RERE: variants seen among roughly 807,000 people sequenced by gnomAD.
The protein encoded by RERE is arginine-glutamic acid dipeptide repeats.
RERE carries 40 observed loss-of-function variants against 146.1 expected under a neutral mutation model. The observed-to-expected ratio is 0.27, with a 90% CI of 0.21 to 0.36. RERE has a LOEUF of 0.36. Among genes scored for constraint, RERE ranks in the 10% least tolerant of loss-of-function variants. The probability of loss-of-function intolerance (pLI) is 1.00; values close to 1 mark genes in which losing one functional copy is unlikely to be tolerated. For missense variants in RERE, 1,933 were observed against 2,138.7 expected (o/e 0.90, Z 1.90); for synonymous variants, 1,003 against 866.0 (o/e 1.16, Z -2.78).
chr1:8,403,135 G>C (rs1240190977), intron 12 of RERE, among the ~76,000 whole-genome samples: 1 of 152,044 alleles, frequency 6.6e-6, no homozygotes, highest in African/African-American at 2.4e-5. Context: ...CTGACCCCGT[G>C]ATCTGCCCAT....
chr1:8,453,097 A>G (rs912022911), intron 11 of RERE, among the ~76,000 whole-genome samples: 3 of 152,194 alleles, frequency 2.0e-5, no homozygotes, highest in African/African-American at 7.2e-5. Flanking sequence ...GAGGAAGGGA[A>G]TGTGAGCTGA....
At chr1:8,812,839 T>G (rs1641838842) in intron 1 of RERE, among the ~76,000 whole-genome samples, 1 of 152,168 alleles carries the variant, frequency 6.6e-6, no homozygotes, top group South Asian at 2.1e-4. Flanking sequence ...TAAATATATT[T>G]AGTATTTGAA....
At chr1:8,643,494 C>T (rs1371796976) in intron 2 of RERE, among the ~76,000 whole-genome samples, 2 of 152,140 alleles carry the variant, frequency 1.3e-5, no homozygotes, top group African/African-American at 4.8e-5. Context: ...AAAGGACTTA[C>T]GTAAAATACA....
intron 12 of RERE, among the ~76,000 whole-genome samples, chr1:8,397,730 T>C (rs768413737): frequency 6.6e-6 from 1 of 152,174 alleles, no homozygotes; most frequent in Non-Finnish European, 1.5e-5. Context: ...CTCCCCCATA[T>C]GCAGTAAGTT....
In RERE at chr1:8,607,534, C is replaced by CTTTTTTTTTTTTTTTTTTTTTTTTTTT. The variant is rs1167501074; in HGVS notation, c.522+7000_522+7026dup. Among the ~76,000 whole-genome samples, 14 of 48,584 alleles carry CTTTTTTTTTTTTTTTTTTTTTTTTTTT rather than the reference C, an allele frequency of 2.9e-4. 3 individuals carry two copies. The highest frequency in any genetic ancestry group is 6.0e-4 in the African/African-American group (7 of 11,664). The allele number at this position is 48,584 out of a possible 152,430, so 31.9% of individuals were successfully genotyped here. ...CGCATATTTGTTTTTATATATATTT[C>CTTTTTTTTTTTTTTTTTTTTTTTTTTT]TTTTTTTTTTTTTTTTTTTTTTTTT... On this transcript the variant is annotated intron_variant, in intron 4 of 22. Coordinates refer to ENST00000400908, the MANE Select transcript of RERE (RefSeq NM_001042681.2).
At chr1:8,480,917 A>T (rs1557651322) in intron 10 of RERE, among the ~76,000 whole-genome samples, 1 of 152,340 alleles carries the variant, frequency 6.6e-6, no homozygotes, top group African/African-American at 2.4e-5. Context: ...AACATGGAAA[A>T]AAATCATCTG....
intron 1 of RERE, among the ~76,000 whole-genome samples, chr1:8,657,576 G>A (rs766830087): frequency 6.6e-6 from 1 of 152,164 alleles, no homozygotes; most frequent in Non-Finnish European, 1.5e-5. Flanking sequence ...GCCAGGCGTG[G>A]TGGCTCACAC....
At chr1:8,706,440 T>A (rs896395602) in intron 1 of RERE, among the ~76,000 whole-genome samples, 3 of 152,310 alleles carry the variant, frequency 2.0e-5, no homozygotes, top group East Asian at 3.9e-4. Flanking sequence ...GTTAATGAAG[T>A]ATAGAAGCCA....
chr1:8,469,783 C>G (rs936140089), intron 10 of RERE, among the ~76,000 whole-genome samples: 4 of 152,110 alleles, frequency 2.6e-5, no homozygotes, highest in African/African-American at 9.7e-5. Context: ...TTTGGTGAAC[C>G]AAGAAGAGTT....
intron 7 of RERE, among the ~76,000 whole-genome samples, chr1:8,527,867 C>A (rs1051741196): frequency 3.9e-5 from 6 of 152,176 alleles, no homozygotes; most frequent in Non-Finnish European, 7.4e-5. Flanking sequence ...GGAAAAGTCA[C>A]CCACACTACC....
At chr1:8,577,134 A>T (rs970582847) in intron 4 of RERE, among the ~76,000 whole-genome samples, 3 of 151,552 alleles carry the variant, frequency 2.0e-5, no homozygotes, top group African/African-American at 7.3e-5. Flanking sequence ...GCGCCACTGC[A>T]CTCCAGCCTG....
chr1:8,541,972 A>G (rs1237641298), intron 6 of RERE, among the ~76,000 whole-genome samples: 1 of 152,240 alleles, frequency 6.6e-6, no homozygotes, highest in Non-Finnish European at 1.5e-5. Context: ...AAAGTGGAGT[A>G]AAGTTTTCAG....
chr1:8,541,595 A>G (rs1254122549), intron 6 of RERE, among the ~76,000 whole-genome samples: 1 of 152,210 alleles, frequency 6.6e-6, no homozygotes, highest in Non-Finnish European at 1.5e-5. Flanking sequence ...AAAGAATATT[A>G]AACAAAGTAG....
At chr1:8,776,440 G>A (rs1163714199) in intron 1 of RERE, among the ~76,000 whole-genome samples, 1 of 152,144 alleles carries the variant, frequency 6.6e-6, no homozygotes, top group African/African-American at 2.4e-5. Context: ...TGGGACTACA[G>A]GTGCACGCCA....
At chr1:8,391,776 C>T (rs766559385) in intron 12 of RERE, among the ~76,000 whole-genome samples, 1 of 152,186 alleles carries the variant, frequency 6.6e-6, no homozygotes, top group African/African-American at 2.4e-5. Context: ...TGGCTCACGC[C>T]TGTAATTCCA....
rs1641392896 is a variant in RERE at position 8,358,495 on chromosome 1, A to C, written c.4040T>G (p.Phe1347Cys). The C allele has an allele frequency of 6.3e-6, 10 of 1,588,438 alleles. 1 individual carries two copies. The East Asian group carries it at 2.2e-4, about 36-fold the overall frequency. ...LHPAANPMEH[F>C]ARHSALTIPP... ...GATGGTGAGGGCGCTGTGCCGGGCA[A>C]AGTGCTCCATGGGGTTGGCGGCTGG... Residue 1347 changes from phenylalanine to cysteine, a missense_variant, in exon 20 of 23, where the codon TTT becomes TGT. By Grantham distance (205) the Phe-to-Cys change is radical. This residue lies in a region of RERE where 1,255 missense variants were observed against 1,153.8 expected (regional missense o/e 1.09). Transcript: ENST00000400908.
At chr1:8,529,293 T>C (rs1645609835) in intron 7 of RERE, among the ~76,000 whole-genome samples, 2 of 140,528 alleles carry the variant, frequency 1.4e-5, no homozygotes, top group Admixed American at 1.4e-4. Context: ...CCTTCTTTTT[T>C]TTTTTTTTTT....
intron 1 of RERE, among the ~76,000 whole-genome samples, chr1:8,791,411 T>A (rs181587427): frequency 6.6e-6 from 1 of 152,298 alleles, no homozygotes; most frequent in Admixed American, 6.5e-5. Context: ...TAGGGACACA[T>A]CTTACTCATC....
intron 2 of RERE, among the ~76,000 whole-genome samples, chr1:8,644,967 T>C (rs1424477568): frequency 6.6e-6 from 1 of 152,238 alleles, no homozygotes; most frequent in East Asian, 1.9e-4. Context: ...CAGGGTTTTA[T>C]GCAAATGTCC....
Sources: allele counts gnomAD v4.1 joint callset (sites outside exome capture counted in the v4.1 genomes callset), GRCh38; gene constraint gnomAD v4.1.1; regional missense constraint gnomAD v4.1.1; transcripts MANE v1.5; gene names NCBI Gene and HGNC (gene_info 2026-07-23, HGNC 2026-07-21).